UBAP1: variants seen among roughly 807,000 people sequenced by gnomAD.
UBAP1 encodes the protein ubiquitin associated protein 1, also known as ubiquitin-associated protein 1.
Under a neutral mutation model 39.0 loss-of-function variants are expected in UBAP1, and 5 were observed. That is an observed-to-expected ratio of 0.13 (90% CI 0.07 to 0.27). The LOEUF (loss-of-function observed/expected upper bound fraction) is 0.27, where lower values mean the gene tolerates loss of function less well. Ranked by LOEUF, UBAP1 falls within the 10% of genes least tolerant of loss-of-function variation. The pLI is 1.00. For synonymous variants in UBAP1, 211 were observed against 225.1 expected (o/e 0.94, Z 0.56); for missense variants, 490 against 608.1 (o/e 0.81, Z 2.04).
intron 1 of UBAP1, among the ~76,000 whole-genome samples, chr9:34,200,218 G>A (rs1038536656): frequency 6.6e-6 from 1 of 152,122 alleles, no homozygotes; most frequent in African/African-American, 2.4e-5. Flanking sequence ...AATCAGTATG[G>A]ACTTGAGTAT....
intron 2 of UBAP1, chr9:34,224,242 G>A: frequency 2.1e-6 from 1 of 486,708 alleles, no homozygotes; most frequent in Non-Finnish European, 3.8e-6. Flanking sequence ...CTCCTTTCTT[G>A]TGGCCCAGGG....
chr9:34,187,696 G>C (rs962850004), intron 1 of UBAP1, among the ~76,000 whole-genome samples: 1 of 151,884 alleles, frequency 6.6e-6, no homozygotes, highest in African/African-American at 2.4e-5. Context: ...GGAAACAGAG[G>C]AATGTATTTT....
chr9:34,188,266 A>G (rs1236644727), intron 1 of UBAP1, among the ~76,000 whole-genome samples: 4 of 152,156 alleles, frequency 2.6e-5, no homozygotes, highest in Non-Finnish European at 4.4e-5. Flanking sequence ...CTCTTAGATC[A>G]TTGGGAATCC....
At chr9:34,188,356 A>G (rs1379386603) in intron 1 of UBAP1, among the ~76,000 whole-genome samples, 1 of 151,864 alleles carries the variant, frequency 6.6e-6, no homozygotes, top group Non-Finnish European at 1.5e-5. Context: ...AGTTACCATC[A>G]GATTTGATGG....
At chr9:34,239,840 T>C (rs1166532448) in intron 3 of UBAP1, among the ~76,000 whole-genome samples, 3 of 152,302 alleles carry the variant, frequency 2.0e-5, no homozygotes, top group African/African-American at 7.2e-5. Flanking sequence ...TTTATTATTA[T>C]ACTCCAAAAC....
At chr9:34,202,676 T>TGTGTGTGTGTGTGTGTGTGTCCCC (rs1554647595) in intron 1 of UBAP1, among the ~76,000 whole-genome samples, 3 of 143,132 alleles carry the variant, frequency 2.1e-5, no homozygotes, top group Admixed American at 7.2e-5. Context: ...TGTGTGTGTG[T>TGTGTGTGTGTGTGTGTGTGTCCCC]GTCCCCGTCC....
intron 3 of UBAP1, among the ~76,000 whole-genome samples, chr9:34,236,093 C>T (rs1471878008): frequency 6.6e-6 from 1 of 152,056 alleles, no homozygotes; most frequent in Non-Finnish European, 1.5e-5. Context: ...CTCCTGACTT[C>T]AGTTGATCCG....
chr9:34,195,981 A>G (rs1369093625), intron 1 of UBAP1, among the ~76,000 whole-genome samples: 5 of 95,850 alleles, frequency 5.2e-5, no homozygotes, highest in African/African-American at 1.7e-4. Flanking sequence ...GAGTCTCACT[A>G]TGTTGCCTAG....
At chr9:34,184,689 C>T (rs1317568257) in intron 1 of UBAP1, among the ~76,000 whole-genome samples, 2 of 149,448 alleles carry the variant, frequency 1.3e-5, no homozygotes, top group Non-Finnish European at 3.0e-5. Flanking sequence ...GTGGCACAAT[C>T]TCGGCTCACT....
At chr9:34,192,729 C>A (rs1414841994) in intron 1 of UBAP1, among the ~76,000 whole-genome samples, 4 of 151,990 alleles carry the variant, frequency 2.6e-5, no homozygotes, top group African/African-American at 9.7e-5. Context: ...CATGAGCCAC[C>A]AAGCCTGGCT....
chr9:34,210,398 T>G (rs1831949214), intron 1 of UBAP1, among the ~76,000 whole-genome samples: 1 of 152,184 alleles, frequency 6.6e-6, no homozygotes, highest in African/African-American at 2.4e-5. Context: ...AAAAAAATAT[T>G]CTAATACTAT....
chr9:34,243,974 A>G (rs1834095467), intron 4 of UBAP1, among the ~76,000 whole-genome samples: 1 of 151,638 alleles, frequency 6.6e-6, no homozygotes, highest in South Asian at 2.1e-4. Context: ...CTCAGCCTCC[A>G]GAGTAGCAGG....
chr9:34,214,033 A>G lies in UBAP1; in HGVS notation c.-7-6875A>G, dbSNP rs531856018. ...AAGAAATCATAGATGGCACAAACAA[A>G]TGGAAGCACATCCCATGCTCATGGA... On this transcript the variant is annotated intron_variant, in intron 1 of 6. Coordinates refer to ENST00000297661, the MANE Select transcript of UBAP1 (RefSeq NM_016525.5). Among the ~76,000 whole-genome samples the G allele has an allele frequency of 4.1e-4, 62 of 152,310 alleles. No homozygotes were observed. The South Asian group carries it at 0.013, about 31-fold the overall frequency.
intron 1 of UBAP1, among the ~76,000 whole-genome samples, chr9:34,198,140 G>A (rs1476292043): frequency 6.6e-6 from 1 of 152,136 alleles, no homozygotes. Context: ...GGTTAGGAGG[G>A]GCAGCTGGCT....
chr9:34,195,927 G>GGT (rs1554646788), intron 1 of UBAP1, among the ~76,000 whole-genome samples: 2 of 36,144 alleles, frequency 5.5e-5, no homozygotes, highest in African/African-American at 1.3e-4. Flanking sequence ...AAATTTTTTG[G>GGT]TTTTTTTTTT....
chr9:34,224,288 G>T, intron 2 of UBAP1: 2 of 452,820 alleles, frequency 4.4e-6, no homozygotes, highest in East Asian at 7.1e-5. Flanking sequence ...CTGTCCATAC[G>T]GTGTGCTGTC....
intron 1 of UBAP1, among the ~76,000 whole-genome samples, chr9:34,194,547 C>T (rs1228851825): frequency 6.6e-6 from 1 of 152,128 alleles, no homozygotes; most frequent in African/African-American, 2.4e-5. Context: ...ATCTCCCGAC[C>T]TCGTGATCCT....
intron 1 of UBAP1, among the ~76,000 whole-genome samples, chr9:34,204,422 G>A (rs550277838): frequency 1.4e-4 from 22 of 152,122 alleles, no homozygotes; most frequent in African/African-American, 5.1e-4. Context: ...GCTGAGTCAA[G>A]TATACTTGTC....
intron 3 of UBAP1, among the ~76,000 whole-genome samples, chr9:34,239,075 T>C (rs1301503830): frequency 2.0e-5 from 3 of 152,212 alleles, no homozygotes; most frequent in Admixed American, 6.5e-5. Flanking sequence ...GATGGAGTCT[T>C]GCTCTTTTGC....
Sources: gnomAD v4.1 joint callset for allele counts (sites outside exome capture counted in the v4.1 genomes callset) on GRCh38, gnomAD v4.1.1 for gene constraint, MANE v1.5 for transcripts, NCBI Gene and HGNC (gene_info 2026-07-23, HGNC 2026-07-21) for gene names.